BICC1: variants seen among roughly 807,000 people sequenced by gnomAD.
BICC1 encodes protein bicaudal C homolog 1.
In BICC1, 43 loss-of-function variants were observed where a neutral mutation model predicts 111.0. The observed-to-expected ratio is 0.39, with a 90% CI of 0.30 to 0.50. BICC1 has a LOEUF of 0.50. Among genes scored for constraint, BICC1 ranks in the 20% least tolerant of loss-of-function variants. The pLI, the probability that BICC1 is intolerant of heterozygous loss-of-function variation, is 0.88. For missense variants in BICC1, 1,091 were observed against 1,203.2 expected (o/e 0.91, Z 1.38); for synonymous variants, 467 against 434.4 (o/e 1.07, Z -0.93).
intron 17 of BICC1, among the ~76,000 whole-genome samples, chr10:58,809,098 C>G (rs920827723): frequency 5.9e-5 from 9 of 152,168 alleles, no homozygotes; most frequent in African/African-American, 2.2e-4. Context: ...TCTCGCCTCA[C>G]TGCAACCTGT....
At chr10:58,794,715 C>T (rs181659032) in intron 9 of BICC1, among the ~76,000 whole-genome samples, 84 of 152,230 alleles carry the variant, frequency 5.5e-4, no homozygotes, top group Non-Finnish European at 9.0e-4. Flanking sequence ...TCACTGTCTC[C>T]GGCTCAGAAT....
At chr10:58,528,820 A>G (rs1312413316) in intron 1 of BICC1, among the ~76,000 whole-genome samples, 1 of 151,938 alleles carries the variant, frequency 6.6e-6, no homozygotes. Context: ...ACCCAATGGT[A>G]CTTTGAACGT....
At chr10:58,802,745 A>G (rs536938729) in intron 14 of BICC1, among the ~76,000 whole-genome samples, 5 of 152,308 alleles carry the variant, frequency 3.3e-5, no homozygotes, top group African/African-American at 1.2e-4. Flanking sequence ...CACCTATATC[A>G]TATGCAGTAT....
At position 58,634,575 on chromosome 10, in the gene BICC1, G is replaced by A. The variant is rs543703033; in HGVS notation, c.237+13674G>A. 4.6e-5 allele frequency among the ~76,000 whole-genome samples: 7 copies of A among 152,294 alleles called. No homozygotes were observed. The South Asian group carries it at 1.4e-3, about 32-fold the overall frequency. Reference sequence around the variant, plus strand: ...TAAGGTTGGGAACTACTGATGTGCAGTATGGGTAGGTACAAAGAAAAGTTG... The same window carrying A: ...TAAGGTTGGGAACTACTGATGTGCAATATGGGTAGGTACAAAGAAAAGTTG... On this transcript the variant is annotated intron_variant, in intron 2 of 20. Coordinates refer to ENST00000373886, the MANE Select transcript of BICC1 (RefSeq NM_001080512.3).
intron 2 of BICC1, among the ~76,000 whole-genome samples, chr10:58,697,018 A>G (rs1166686472): frequency 6.6e-6 from 1 of 152,194 alleles, no homozygotes; most frequent in Admixed American, 6.5e-5. Flanking sequence ...CATGATATTT[A>G]TAGTTTTGTT....
chr10:58,599,597 T>C lies in BICC1; in HGVS notation c.191-21258T>C, dbSNP rs1356552900. ...CAAACCACCATGGCATGTGTATACCTATGTAACAAAACTGCACGTTCTGCA... is the reference window on the plus strand; with the variant it reads ...CAAACCACCATGGCATGTGTATACCCATGTAACAAAACTGCACGTTCTGCA... On this transcript the variant is annotated intron_variant, in intron 1 of 20. Coordinates refer to ENST00000373886, the MANE Select transcript of BICC1 (RefSeq NM_001080512.3). 2.0e-5 allele frequency among the ~76,000 whole-genome samples: 3 copies of C among 152,154 alleles called. No individual in the cohort carries two copies. The East Asian group carries it at 5.8e-4, about 29-fold the overall frequency.
At chr10:58,701,087 A>G (rs144324574) in intron 2 of BICC1, among the ~76,000 whole-genome samples, 100 of 152,298 alleles carry the variant, frequency 6.6e-4, no homozygotes, top group African/African-American at 2.4e-3. Flanking sequence ...CTGAGGAGAA[A>G]AAGGTACTTA....
At chr10:58,587,409 T>C (rs772704395) in intron 1 of BICC1, among the ~76,000 whole-genome samples, 2 of 152,226 alleles carry the variant, frequency 1.3e-5, no homozygotes, top group Non-Finnish European at 2.9e-5. Flanking sequence ...AAAAGAAAGC[T>C]ATTTTTAATA....
At chr10:58,638,868 CTT>C in intron 2 of BICC1, among the ~76,000 whole-genome samples, 2 of 940 alleles carry the variant, frequency 2.1e-3, no homozygotes, top group African/African-American at 8.8e-3. Flanking sequence ...TCTTTTTTCT[CTT>C]CTCTTTTTTC....
chr10:58,715,550 C>T, intron 3 of BICC1: 2 of 1,508,138 alleles, frequency 1.3e-6, no homozygotes, highest in South Asian at 2.2e-5. Context: ...CTCAGTCCAG[C>T]ACCATGGGGA....
intron 3 of BICC1, among the ~76,000 whole-genome samples, chr10:58,743,679 A>G (rs988902805): frequency 2.0e-5 from 3 of 152,036 alleles, no homozygotes; most frequent in Admixed American, 1.3e-4. Context: ...GTTACCTGCT[A>G]GGCAGCAGAA....
At chr10:58,620,392 G>T (rs902027001) in intron 1 of BICC1, among the ~76,000 whole-genome samples, 4 of 151,838 alleles carry the variant, frequency 2.6e-5, no homozygotes, top group African/African-American at 9.7e-5. Flanking sequence ...AAAAGTATAT[G>T]ATGCCAGCTG....
intron 1 of BICC1, among the ~76,000 whole-genome samples, chr10:58,529,468 T>C (rs1842626019): frequency 6.6e-6 from 1 of 151,984 alleles, no homozygotes. Context: ...ATGTTCTGAG[T>C]TGATCCCTTT....
At chr10:58,742,160 T>TTC (rs386371526) in intron 3 of BICC1, among the ~76,000 whole-genome samples, 21 of 164 alleles carry the variant, frequency 0.13, no homozygotes, top group South Asian at 0.25. Flanking sequence ...GTTTGAAAAC[T>TTC]TGTTTTTTTC....
intron 1 of BICC1, among the ~76,000 whole-genome samples, chr10:58,608,930 C>T (rs947011317): frequency 1.3e-5 from 2 of 152,170 alleles, no homozygotes; most frequent in African/African-American, 4.8e-5. Flanking sequence ...CTTCTTTGCC[C>T]TCTGTCAACT....
intron 1 of BICC1, among the ~76,000 whole-genome samples, chr10:58,594,151 TAAAAA>T (rs1844730375): frequency 6.6e-6 from 1 of 150,806 alleles, no homozygotes; most frequent in Non-Finnish European, 1.5e-5. Context: ...CTTAATGAAA[TAAAAA>T]GAGGAGACAA....
At chr10:58,666,211 G>GAGATTGGTTTCACTCA in intron 2 of BICC1, among the ~76,000 whole-genome samples, 1 of 152,320 alleles carries the variant, frequency 6.6e-6, no homozygotes, top group Admixed American at 6.5e-5. Context: ...GAAGTGAGGT[G>GAGATTGGTTTCACTCA]CAGAAAGAGT....
At chr10:58,663,179 G>A (rs1306942520) in intron 2 of BICC1, among the ~76,000 whole-genome samples, 1 of 149,430 alleles carries the variant, frequency 6.7e-6, no homozygotes, top group Non-Finnish European at 1.5e-5. Flanking sequence ...CCATTCTCCT[G>A]CCTCAGCCTC....
chr10:58,561,156 T>C (rs1417498905), intron 1 of BICC1, among the ~76,000 whole-genome samples: 1 of 152,164 alleles, frequency 6.6e-6, no homozygotes, highest in South Asian at 2.1e-4. Flanking sequence ...TATTATTGTA[T>C]TGGGGCCTGT....
Sources: allele counts gnomAD v4.1 joint callset (sites outside exome capture counted in the v4.1 genomes callset), GRCh38; gene constraint gnomAD v4.1.1; transcripts MANE v1.5; gene names NCBI Gene and HGNC (gene_info 2026-07-23, HGNC 2026-07-21).